Variants in PABPC4L observed in about 807,000 individuals in gnomAD.
The protein encoded by PABPC4L is polyadenylate-binding protein 4-like.
For synonymous variants in PABPC4L, 169 were observed against 164.1 expected, an observed-to-expected ratio of 1.03 and a Z score of -0.23; for missense variants, 452 against 451.4, an observed-to-expected ratio of 1.00 and a Z score of -0.01.
the PABPC4L span, among the ~76,000 whole-genome samples, chr4:133,956,581 C>A: frequency 6.6e-6 from 1 of 152,176 alleles, no homozygotes; most frequent in Non-Finnish European, 1.5e-5. Flanking sequence ...GTCATAAAAC[C>A]CTCATGTGAG....
chr4:133,987,647 A>C, the PABPC4L span, among the ~76,000 whole-genome samples: 1 of 152,182 alleles, frequency 6.6e-6, no homozygotes, highest in Non-Finnish European at 1.5e-5. Context: ...CTTTGGTCTT[A>C]AAAAGAATAC....
At chr4:134,095,714 A>G in the PABPC4L span, among the ~76,000 whole-genome samples, 1 of 151,912 alleles carries the variant, frequency 6.6e-6, no homozygotes, top group African/African-American at 2.4e-5. Flanking sequence ...AGGTTCAGTA[A>G]ATCCTTATCA....
chr4:134,037,362 C>A, the PABPC4L span, among the ~76,000 whole-genome samples: 1 of 151,994 alleles, frequency 6.6e-6, no homozygotes, highest in Non-Finnish European at 1.5e-5. Context: ...TCTTCCAGGT[C>A]TTTGGTTAAG....
At chr4:134,037,031 G>T in the PABPC4L span, among the ~76,000 whole-genome samples, 2 of 144,470 alleles carry the variant, frequency 1.4e-5, no homozygotes, top group East Asian at 4.3e-4. Flanking sequence ...ACTCCACCCT[G>T]GGGGACAAGA....
the PABPC4L span, among the ~76,000 whole-genome samples, chr4:134,090,904 A>G: frequency 9.2e-5 from 14 of 152,182 alleles, no homozygotes; most frequent in African/African-American, 3.4e-4. Flanking sequence ...TTGCATTTCC[A>G]TAAACTGTTA....
At chr4:134,050,313 C>T in the PABPC4L span, among the ~76,000 whole-genome samples, 1 of 152,062 alleles carries the variant, frequency 6.6e-6, no homozygotes, top group African/African-American at 2.4e-5. Context: ...GAAATTATGC[C>T]TTGCTGTTTC....
the PABPC4L span, among the ~76,000 whole-genome samples, chr4:133,961,673 G>C: frequency 2.6e-5 from 4 of 152,174 alleles, no homozygotes; most frequent in Non-Finnish European, 4.4e-5. Flanking sequence ...ACACTCTTCT[G>C]GTCTGTGTTT....
At chr4:134,049,244 TGAAA>T in the PABPC4L span, among the ~76,000 whole-genome samples, 3 of 152,180 alleles carry the variant, frequency 2.0e-5, no homozygotes, top group East Asian at 1.9e-4. Flanking sequence ...TTGAAGAATT[TGAAA>T]GAGACTATAA....
the PABPC4L span, among the ~76,000 whole-genome samples, chr4:133,968,738 T>G: frequency 6.6e-6 from 1 of 152,100 alleles, no homozygotes; most frequent in Admixed American, 6.5e-5. Flanking sequence ...AAGAAAAACT[T>G]ATAATGCTGG....
the PABPC4L span, among the ~76,000 whole-genome samples, chr4:134,105,551 G>A: frequency 6.6e-6 from 1 of 151,524 alleles, no homozygotes; most frequent in African/African-American, 2.4e-5. Flanking sequence ...AAATGGAAAA[G>A]CTTTGGGTAT....
chr4:134,116,920 C>T, the PABPC4L span, among the ~76,000 whole-genome samples: 1 of 151,504 alleles, frequency 6.6e-6, no homozygotes, highest in Admixed American at 6.6e-5. Context: ...ACAATAAGAT[C>T]TTTGTATGTT....
the PABPC4L span, among the ~76,000 whole-genome samples, chr4:134,098,121 A>G: frequency 6.6e-6 from 1 of 151,860 alleles, no homozygotes; most frequent in East Asian, 1.9e-4. Context: ...ACTATTTATA[A>G]GAGCAATTGA....
the PABPC4L span, among the ~76,000 whole-genome samples, chr4:134,005,766 C>A: frequency 6.6e-6 from 1 of 151,672 alleles, no homozygotes; most frequent in Admixed American, 6.6e-5. Context: ...GAGATTATGT[C>A]ACTAGGGATC....
At chr4:134,157,340 T>C in the PABPC4L span, among the ~76,000 whole-genome samples, 1 of 151,650 alleles carries the variant, frequency 6.6e-6, no homozygotes, top group Non-Finnish European at 1.5e-5. Context: ...TTGCTGTACT[T>C]AAGACAAGTA....
chr4:134,184,961 C>G, the PABPC4L span, among the ~76,000 whole-genome samples: 2 of 152,084 alleles, frequency 1.3e-5, no homozygotes, highest in South Asian at 4.1e-4. Context: ...TGCTTATTCA[C>G]CATCTGTATA....
chr4:134,035,583 T>C, the PABPC4L span, among the ~76,000 whole-genome samples: 3 of 152,010 alleles, frequency 2.0e-5, no homozygotes, highest in African/African-American at 7.2e-5. Flanking sequence ...AATAAAGGCA[T>C]AATGTTTATT....
At chr4:134,135,026 C>A in the PABPC4L span, among the ~76,000 whole-genome samples, 1 of 152,052 alleles carries the variant, frequency 6.6e-6, no homozygotes, top group African/African-American at 2.4e-5. Context: ...CAGAAAGCAA[C>A]GAGAACTAGC....
the PABPC4L span, among the ~76,000 whole-genome samples, chr4:134,136,486 A>AT: frequency 6.6e-5 from 10 of 151,796 alleles, no homozygotes; most frequent in South Asian, 2.1e-4. Flanking sequence ...ATTGCCAAAT[A>AT]TTTTTTTTCT....
the PABPC4L span, among the ~76,000 whole-genome samples, chr4:134,115,089 C>T: frequency 6.6e-6 from 1 of 151,844 alleles, no homozygotes; most frequent in African/African-American, 2.4e-5. Context: ...TCTCCACTTT[C>T]CTTTTGTATT....
Sources: gnomAD v4.1 joint callset for allele counts (sites outside exome capture counted in the v4.1 genomes callset) on GRCh38, gnomAD v4.1.1 for gene constraint, MANE v1.5 for transcripts, NCBI Gene and HGNC (gene_info 2026-07-23, HGNC 2026-07-21) for gene names.